The following RIGI variants were observed in gnomAD, a reference collection of about 807,000 sequenced individuals.
RIGI encodes antiviral innate immune response receptor RIG-I.
the RIGI span, among the ~76,000 whole-genome samples, chr9:32,517,538 A>C: frequency 6.6e-6 from 1 of 152,238 alleles, no homozygotes; most frequent in African/African-American, 2.4e-5. Flanking sequence ...CTTTAAAATT[A>C]TTGGTAAAAT....
At chr9:32,474,179 G>C in the RIGI span, among the ~76,000 whole-genome samples, 2 of 121,316 alleles carry the variant, frequency 1.6e-5, no homozygotes, top group African/African-American at 6.1e-5. Flanking sequence ...TCCAACCTGG[G>C]CAATGAGAGT....
At chr9:32,466,497 C>G in the RIGI span, 4 of 1,460,142 alleles carry the variant, frequency 2.7e-6, no homozygotes, top group Non-Finnish European at 3.7e-6. Flanking sequence ...CTGATATAAT[C>G]TGCAAATAGG....
the RIGI span, chr9:32,485,356 T>A: frequency 9.6e-7 from 1 of 1,039,792 alleles, no homozygotes; most frequent in Non-Finnish European, 1.4e-6. Flanking sequence ...TAGTTCAAAG[T>A]AGGTATCTCT....
chr9:32,498,441 G>GC, the RIGI span: 1 of 441,722 alleles, frequency 2.3e-6, no homozygotes, highest in Non-Finnish European at 4.6e-6. Flanking sequence ...CTTCTGGCCC[G>GC]AGGCTACACT....
At chr9:32,507,146 G>A in the RIGI span, among the ~76,000 whole-genome samples, 1 of 152,044 alleles carries the variant, frequency 6.6e-6, no homozygotes, top group Admixed American at 6.5e-5. Context: ...CCCAAACATG[G>A]TTTTTATTCT....
chr9:32,522,874 A>C, the RIGI span, among the ~76,000 whole-genome samples: 5 of 152,164 alleles, frequency 3.3e-5, no homozygotes, highest in Non-Finnish European at 5.9e-5. Context: ...TCGAATAAAC[A>C]TGGAAATTGA....
At chr9:32,495,999 C>T in the RIGI span, among the ~76,000 whole-genome samples, 1 of 152,202 alleles carries the variant, frequency 6.6e-6, no homozygotes, top group African/African-American at 2.4e-5. Context: ...CATATTAACC[C>T]CTTATCAGGT....
chr9:32,471,133 C>T, the RIGI span, among the ~76,000 whole-genome samples: 1 of 152,348 alleles, frequency 6.6e-6, no homozygotes, highest in African/African-American at 2.4e-5. Flanking sequence ...TGGTGTGCAC[C>T]TGTAATCCCA....
the RIGI span, chr9:32,480,216 C>G: frequency 6.3e-7 from 1 of 1,592,172 alleles, no homozygotes; most frequent in Non-Finnish European, 8.6e-7. Context: ...AAACACCACT[C>G]ACCTTCAAAT....
the RIGI span, among the ~76,000 whole-genome samples, chr9:32,524,693 C>T: frequency 6.8e-6 from 1 of 146,470 alleles, no homozygotes; most frequent in African/African-American, 2.5e-5. Context: ...ACCTCTGCCT[C>T]CCTGGTTCAA....
chr9:32,464,424 C>G, the RIGI span, among the ~76,000 whole-genome samples: 2 of 152,166 alleles, frequency 1.3e-5, no homozygotes, highest in East Asian at 1.9e-4. Flanking sequence ...GAGTCTTACT[C>G]TGTTGCCCAG....
At chr9:32,457,325 T>C in the RIGI span, 9 of 1,614,060 alleles carry the variant, frequency 5.6e-6, no homozygotes, top group African/African-American at 9.3e-5. Flanking sequence ...ATCTTTGCTC[T>C]TTTTTCAAAA....
chr9:32,487,607 A>G, the RIGI span: 1 of 1,614,044 alleles, frequency 6.2e-7, no homozygotes, highest in Non-Finnish European at 8.5e-7. Context: ...CATCCCCAAC[A>G]CCAACCGAGG....
At chr9:32,485,907 G>C in the RIGI span, among the ~76,000 whole-genome samples, 759 of 152,146 alleles carry the variant, frequency 5.0e-3, 5 homozygotes, top group African/African-American at 0.017. Context: ...TCATGTCTCT[G>C]CAAGTGCCAC....
chr9:32,491,221 C>G, the RIGI span: 1 of 1,521,762 alleles, frequency 6.6e-7, no homozygotes, highest in Non-Finnish European at 8.9e-7. Flanking sequence ...AAGGCTGTGA[C>G]TTTGGGTACT....
At chr9:32,457,553 T>C in the RIGI span, 2 of 772,322 alleles carry the variant, frequency 2.6e-6, no homozygotes, top group East Asian at 5.7e-5. Context: ...TATTTTACAA[T>C]TGGAGGAAAA....
the RIGI span, chr9:32,487,758 C>T: frequency 8.1e-7 from 1 of 1,228,118 alleles, no homozygotes; most frequent in Admixed American, 2.6e-5. Context: ...CAGTGTATGG[C>T]ACATGGAGGC....
the RIGI span, chr9:32,477,117 G>C: frequency 5.6e-6 from 9 of 1,612,950 alleles, no homozygotes; most frequent in East Asian, 2.2e-5. Context: ...ACACTTTCTA[G>C]TTCCTGCAGC....
the RIGI span, among the ~76,000 whole-genome samples, chr9:32,476,334 AAAAT>A: frequency 7.2e-5 from 11 of 152,104 alleles, no homozygotes; most frequent in Admixed American, 3.9e-4. Context: ...CACCTCTACA[AAAAT>A]AAATAAACAA....
Sources: gnomAD v4.1 joint callset for allele counts (sites outside exome capture counted in the v4.1 genomes callset) on GRCh38, gnomAD v4.1.1 for gene constraint, MANE v1.5 for transcripts, NCBI Gene and HGNC (gene_info 2026-07-23, HGNC 2026-07-21) for gene names.